SPEN: variants seen among roughly 807,000 people sequenced by gnomAD.
SPEN encodes spen family transcriptional repressor.
A neutral mutation model predicts 269.9 loss-of-function variants in SPEN; 18 were observed. The observed-to-expected ratio is 0.07, with a 90% confidence interval of 0.05 to 0.10. The LOEUF is 0.10. Among genes scored for constraint, SPEN ranks in the 10% least tolerant of loss-of-function variants. SPEN has a pLI of 1.00. For missense variants in SPEN, 3,822 were observed against 4,631.2 expected (o/e 0.83, Z 5.07); for synonymous variants, 1,726 against 1,765.7 (o/e 0.98, Z 0.56).
rs149612977 is a variant in SPEN at position 15,930,263 on chromosome 1, C to T, written c.4023C>T (p.Asp1341=). 3 of 1,614,030 alleles carry T rather than the reference C, an allele frequency of 1.9e-6. No individual in the cohort carries two copies. Among genetic ancestry groups the T allele is most frequent in the Non-Finnish European group, 2.5e-6 (3 of 1,180,034 alleles). Residue 1341 remains aspartate (D), a synonymous_variant, in exon 11 of 15, where the codon GAC becomes GAT. Coordinates refer to ENST00000375759, the MANE Select transcript of SPEN (RefSeq NM_015001.3). The surrounding 1 kb of genome is among the most constrained non-coding windows in gnomAD (Gnocchi z 5.3). ...LNSEDELNRW[D]SQMKQDAGRF... Reference sequence around the variant, plus strand: ...CTGAAGATGAACTAAATCGTTGGGACTCTCAGATGAAACAGGATGCTGGCA... The same window carrying T: ...CTGAAGATGAACTAAATCGTTGGGATTCTCAGATGAAACAGGATGCTGGCA...
At chr1:15,902,508 G>A (rs2148724746) in intron 3 of SPEN, among the ~76,000 whole-genome samples, 1 of 152,214 alleles carries the variant, frequency 6.6e-6, no homozygotes, top group Middle Eastern at 3.4e-3. Context: ...CTGTGGTGAT[G>A]CATTCTGTTT....
intron 3 of SPEN, among the ~76,000 whole-genome samples, chr1:15,897,021 C>T (rs147485925): frequency 1.7e-3 from 261 of 152,260 alleles, no homozygotes; most frequent in African/African-American, 6.1e-3. Flanking sequence ...TTTCCACCTC[C>T]AGCTTTGTCT....
intron 1 of SPEN, among the ~76,000 whole-genome samples, chr1:15,853,625 C>G (rs1455383855): frequency 2.0e-5 from 3 of 151,812 alleles, no homozygotes; most frequent in Non-Finnish European, 2.9e-5. Context: ...TCCTGAATAG[C>G]TGGGATTATA....
At chr1:15,882,574 C>T (rs903569168) in intron 3 of SPEN, among the ~76,000 whole-genome samples, 2 of 152,154 alleles carry the variant, frequency 1.3e-5, no homozygotes, top group Admixed American at 1.3e-4. Flanking sequence ...GTGCGAGAAT[C>T]GCTTGAACCT....
intron 3 of SPEN, among the ~76,000 whole-genome samples, chr1:15,880,128 G>A (rs981582935): frequency 2.6e-5 from 4 of 152,110 alleles, no homozygotes; most frequent in Admixed American, 6.6e-5. Context: ...AAGGAAGTAA[G>A]GCATACTGAA....
Position 15,909,429 on chromosome 1 carries a change from G to A in SPEN, c.990G>A (p.Glu330=), listed in dbSNP as rs2070991461. The change falls in exon 4 of 15, where the codon GAG becomes GAA. Residue 330 remains glutamate (E), a synonymous_variant. Transcript: ENST00000375759. ...TGCTTTCATCTCTGGAAAAAGATGA[G>A]CCCCGTAAAAGTTTTGGCATCAAGG... ...SQLLSSLEKD[E]PRKSFGIKVQ... 1 of 1,614,180 alleles carries A rather than the reference G, an allele frequency of 6.2e-7. No homozygotes were observed. Among genetic ancestry groups the A allele is most frequent in the Non-Finnish European group, 8.5e-7 (1 of 1,180,028 alleles).
At chr1:15,899,283 G>T (rs1183140121) in intron 3 of SPEN, among the ~76,000 whole-genome samples, 1 of 152,090 alleles carries the variant, frequency 6.6e-6, no homozygotes, top group Non-Finnish European at 1.5e-5. Context: ...CCATCTTCCT[G>T]ACTCAGCACC....
intron 1 of SPEN, among the ~76,000 whole-genome samples, chr1:15,865,572 A>ACCG (rs1395781779): frequency 6.7e-6 from 1 of 149,312 alleles, no homozygotes; most frequent in Non-Finnish European, 1.5e-5. Flanking sequence ...ACAGGCACGC[A>ACCG]CCGCCACATC....
In SPEN at chr1:15,935,802, C is replaced by T; in HGVS notation, c.9562C>T (p.Pro3188Ser). 6.2e-7 allele frequency: 1 copy of T among 1,613,866 alleles called. No individual in the cohort carries two copies. The change falls in exon 11 of 15, where the codon CCC becomes TCC. Residue 3188 changes from proline (P) to serine (S), a missense_variant. Physicochemically the swap from Pro to Ser is moderately conservative, Grantham distance 74. Around this residue, in one of 16 missense-constraint regions of SPEN, gnomAD observed 153 missense variants for 228.5 expected, o/e 0.67. Transcript: ENST00000375759. This position sits in a 1 kb window ranked among gnomAD's most constrained non-coding sequence, Gnocchi z 7.7. ...CATGCAGTCTGAGTACCGACTGCACCCCTATACTGTGCCACGGGATGTGAG... is the reference window on the plus strand; with the variant it reads ...CATGCAGTCTGAGTACCGACTGCACTCCTATACTGTGCCACGGGATGTGAG... ...LVMQSEYRLH[P>S]YTVPRDVRIM...
rs946194765 is a variant in SPEN at position 15,929,520 on chromosome 1, G to C, written c.3280G>C (p.Glu1094Gln). ...AGCAAGACTGGGAGAACTAGCAGGTGAATCTGTGGAAAATCAAGAAGTCCA... is the reference window on the plus strand; with the variant it reads ...AGCAAGACTGGGAGAACTAGCAGGTCAATCTGTGGAAAATCAAGAAGTCCA... ...LQARLGELAG[E>Q]SVENQEVQSK... is the part of the protein sequence containing the mutation. Residue 1094 changes from glutamate (E) to glutamine (Q), a missense_variant, in exon 11 of 15, where the codon GAA becomes CAA. Around this residue, in one of 16 missense-constraint regions of SPEN, gnomAD observed 572 missense variants for 582.6 expected, o/e 0.98. Coordinates refer to ENST00000375759, the MANE Select transcript of SPEN (RefSeq NM_015001.3). This position sits in a 1 kb window ranked among gnomAD's most constrained non-coding sequence, Gnocchi z 5.8. 6.2e-6 allele frequency: 10 copies of C among 1,613,584 alleles called. No homozygotes were observed. The highest frequency in any genetic ancestry group is 2.7e-5 in the African/African-American group (2 of 74,850).
At chr1:15,864,129 A>G (rs1172834861) in intron 1 of SPEN, among the ~76,000 whole-genome samples, 1 of 151,132 alleles carries the variant, frequency 6.6e-6, no homozygotes, top group Non-Finnish European at 1.5e-5. Context: ...TAGCTACGGT[A>G]GTCAACTCCA....
At chr1:15,911,359 G>C in intron 5 of SPEN, 58 bp downstream of exon 5, 1 of 1,393,544 alleles carries the variant, frequency 7.2e-7, no homozygotes, top group Non-Finnish European at 1.0e-6. Context: ...TTGTGTTGCA[G>C]TGTATGAGAG....
chr1:15,933,697 C>G lies in SPEN; in HGVS notation c.7457C>G (p.Ser2486Cys), dbSNP rs779782458. The change falls in exon 11 of 15, where the codon TCT becomes TGT. Residue 2486 changes from serine to cysteine, a missense_variant. Around this residue, in one of 16 missense-constraint regions of SPEN, gnomAD observed 727 missense variants for 737.9 expected, o/e 0.99. Transcript: ENST00000375759. This position sits in a 1 kb window ranked among gnomAD's most constrained non-coding sequence, Gnocchi z 5.7. ...TAAKLSPPVA[S>C]GGIPHQSPPT... The stretch of plus-strand genomic sequence containing the variant: ...GCAAAGCTCTCACCTCCTGTCGCCT[C>G]TGGGGGGATCCCACACCAGAGCCCC... The G allele has an allele frequency of 1.2e-6, 2 of 1,614,136 alleles. No homozygotes were observed. The highest frequency in any genetic ancestry group is 2.2e-5 in the South Asian group (2 of 91,076).
chr1:15,896,072 T>C (rs1387124283), intron 3 of SPEN, among the ~76,000 whole-genome samples: 5 of 152,124 alleles, frequency 3.3e-5, no homozygotes, highest in Non-Finnish European at 7.3e-5. Flanking sequence ...TAAGGCACTT[T>C]TATAAAATGC....
intron 1 of SPEN, among the ~76,000 whole-genome samples, chr1:15,859,634 G>T (rs1388629498): frequency 2.0e-5 from 3 of 151,968 alleles, no homozygotes; most frequent in Non-Finnish European, 4.4e-5. Flanking sequence ...CTCCCAAAGT[G>T]CTGGGATTAC....
rs551134634 is a variant in SPEN, at chr1:15,848,218, G to A, written c.83+68G>A. 6.8e-6 allele frequency: 8 copies of A among 1,180,052 alleles called. No homozygotes were observed. In the African/African-American group the frequency reaches 1.1e-4, roughly 17 times the overall value. 73.1% of individuals were successfully genotyped at this position (1,180,052 alleles called of 1,614,324 possible). On this transcript the variant is annotated intron_variant, in intron 1 of 14. Coordinates refer to ENST00000375759, the MANE Select transcript of SPEN (RefSeq NM_015001.3). The surrounding 1 kb of genome is among the most constrained non-coding windows in gnomAD (Gnocchi z 5.1). ...CCGCTTCCCGCCCCGGCCCGTTGCC[G>A]GCCCCTCCCGGAGCGCGGAGCTGGT...
At position 15,935,329 on chromosome 1, in the gene SPEN, G is replaced by A. The variant is rs749127699; in HGVS notation, c.9089G>A (p.Gly3030Glu). ...KLDAHSPRPS[G>E]PGPSSFPRAS... Reference sequence around the variant, plus strand: ...GATGCTCATTCTCCTCGACCAAGTGGACCCGGGCCATCCTCATTCCCAAGG... The same window carrying A: ...GATGCTCATTCTCCTCGACCAAGTGAACCCGGGCCATCCTCATTCCCAAGG... Residue 3030 changes from glycine (G) to glutamate (E), a missense_variant, in exon 11 of 15, where the codon GGA becomes GAA. Gly to Glu is a moderately conservative substitution (Grantham distance 98). This residue lies in a region of SPEN where 94 missense variants were observed against 90.4 expected (regional missense o/e 1.04). Coordinates refer to ENST00000375759, the MANE Select transcript of SPEN (RefSeq NM_015001.3). The surrounding 1 kb of genome is among the most constrained non-coding windows in gnomAD (Gnocchi z 7.7). The A allele has an allele frequency of 6.2e-7, 1 of 1,613,998 alleles. No individual in the cohort carries two copies. Among genetic ancestry groups the A allele is most frequent in the Non-Finnish European group, 8.5e-7 (1 of 1,179,988 alleles).
chr1:15,878,733 G>T (rs1268414930), intron 3 of SPEN, among the ~76,000 whole-genome samples: 1 of 152,130 alleles, frequency 6.6e-6, no homozygotes, highest in African/African-American at 2.4e-5. Flanking sequence ...GGCACTGGGC[G>T]TGTGGCTCAC....
chr1:15,865,094 C>T (rs1033262832), intron 1 of SPEN, among the ~76,000 whole-genome samples: 20 of 151,854 alleles, frequency 1.3e-4, no homozygotes, highest in South Asian at 4.2e-4. Flanking sequence ...CTCTGTCGCC[C>T]GGGCTGGAGT....
Sources: allele counts gnomAD v4.1 joint callset (sites outside exome capture counted in the v4.1 genomes callset), GRCh38; gene constraint gnomAD v4.1.1; regional missense constraint gnomAD v4.1.1; non-coding constraint Gnocchi (gnomAD v3.1); transcripts MANE v1.5; gene names NCBI Gene and HGNC (gene_info 2026-07-23, HGNC 2026-07-21).